Variants in GALK2 observed in about 807,000 individuals in gnomAD.
GALK2 encodes N-acetylgalactosamine kinase.
Under a neutral mutation model 52.4 loss-of-function variants are expected in GALK2, and 36 were observed. The ratio of observed to expected loss-of-function variants is 0.69; its 90% confidence interval spans 0.53 to 0.91. The LOEUF is 0.91. Ranked by LOEUF, GALK2 falls within the 40% of genes least tolerant of loss-of-function variation. GALK2 has a pLI of 0.00. For missense variants in GALK2, 579 were observed against 559.1 expected (o/e 1.04, Z -0.36); for synonymous variants, 176 against 199.1 (o/e 0.88, Z 0.98).
At chr15:49,166,322 A>T (rs1429149643), upstream of GALK2, among the ~76,000 whole-genome samples, 1 of 152,060 alleles carries the variant, frequency 6.6e-6, no homozygotes, top group African/African-American at 2.4e-5. Context: ...CACAATTTTT[A>T]TTTCCTCCAT....
intron 5 of GALK2, among the ~76,000 whole-genome samples, chr15:49,265,268 G>C (rs2092315309): frequency 6.6e-6 from 1 of 152,202 alleles, no homozygotes; most frequent in Admixed American, 6.5e-5. Context: ...AAGGAAGCCT[G>C]GGCAATGGCG....
chr15:49,335,457 T>G (rs1266225863), downstream of GALK2: 1 of 1,613,722 alleles, frequency 6.2e-7, no homozygotes, highest in Non-Finnish European at 8.5e-7. Context: ...ATTGTCTTTT[T>G]GCCTCCTTTA....
rs185410904 is a variant in GALK2 at position 49,326,282 on chromosome 15, A to G, written c.1170-1670A>G. Among the ~76,000 whole-genome samples, 11 of 109,550 alleles carry G rather than the reference A, an allele frequency of 1.0e-4. No homozygotes were observed. In the East Asian group the frequency reaches 3.1e-3, roughly 31 times the overall value. The allele number at this position is 109,550 out of a possible 152,430, so 71.9% of individuals were successfully genotyped here. A position where few individuals can be genotyped will look rare whatever the true frequency, so the allele number is the denominator to read the frequency against. ...TTTTTTTTTTTTTTTTTTTTTTGAG[A>G]TGGAGTCTCACTGTGTCACGCAGGC... On this transcript the variant is annotated intron_variant, in intron 9 of 9. Coordinates refer to ENST00000560031, the MANE Select transcript of GALK2 (RefSeq NM_002044.4).
At chr15:49,221,009 A>G (rs1011404395) in intron 3 of GALK2, among the ~76,000 whole-genome samples, 10 of 152,304 alleles carry the variant, frequency 6.6e-5, no homozygotes, top group Non-Finnish European at 1.3e-4. Context: ...ATAGTTTGCA[A>G]ATATTTTCTC....
intron 1 of GALK2, chr15:49,156,667 C>A: frequency 1.9e-6 from 1 of 516,730 alleles, no homozygotes; most frequent in Non-Finnish European, 3.8e-6. Context: ...GCAAAATTTC[C>A]ACTGTAGAAG....
At chr15:49,223,620 A>T (rs1022454085) in intron 3 of GALK2, among the ~76,000 whole-genome samples, 4 of 152,110 alleles carry the variant, frequency 2.6e-5, no homozygotes, top group Non-Finnish European at 5.9e-5. Context: ...GCTCCCACTT[A>T]TAAGTGAGAA....
intron 5 of GALK2, among the ~76,000 whole-genome samples, chr15:49,255,893 T>C (rs1466598505): frequency 1.3e-5 from 2 of 152,148 alleles, no homozygotes; most frequent in Non-Finnish European, 2.9e-5. Context: ...GGAATTTCAA[T>C]TCATTATTGC....
At chr15:49,206,939 A>G (rs759036598) in intron 2 of GALK2, among the ~76,000 whole-genome samples, 2 of 152,088 alleles carry the variant, frequency 1.3e-5, no homozygotes, top group Non-Finnish European at 2.9e-5. Context: ...AATGCTTTCA[A>G]CTTTACCTCA....
intron 5 of GALK2, among the ~76,000 whole-genome samples, chr15:49,256,942 GAC>G (rs1487761718): frequency 6.6e-6 from 1 of 152,112 alleles, no homozygotes; most frequent in African/African-American, 2.4e-5. Context: ...TCCTGGTGAT[GAC>G]ATAAATAATT....
chr15:49,313,895 G>A (rs2036199105), intron 8 of GALK2, among the ~76,000 whole-genome samples: 1 of 151,962 alleles, frequency 6.6e-6, no homozygotes, highest in Admixed American at 6.5e-5. Context: ...GCTCTTAGCA[G>A]AAGATGAGGT....
chr15:49,259,043 T>C (rs1312852822), intron 5 of GALK2, among the ~76,000 whole-genome samples: 2 of 151,702 alleles, frequency 1.3e-5, no homozygotes, highest in African/African-American at 4.8e-5. Context: ...TTCTGGATAT[T>C]AGCCCTTTGT....
rs757800451 is a variant in GALK2 at position 49,304,178 on chromosome 15, T to C, written c.967+11641T>C. Among the ~76,000 whole-genome samples the C allele has an allele frequency of 4.6e-5, 7 of 152,226 alleles. 1 individual carries two copies. Among genetic ancestry groups the C allele is most frequent in the Non-Finnish European group, 1.0e-4 (7 of 68,038 alleles). ...TCCTATTTTCCTTTTTTGCTACTTATGCTTTCATTTTTACATTTTGTAGGT... is the reference window on the plus strand; with the variant it reads ...TCCTATTTTCCTTTTTTGCTACTTACGCTTTCATTTTTACATTTTGTAGGT... On this transcript the variant is annotated intron_variant, in intron 8 of 9. Transcript: ENST00000560031.
At chr15:49,294,168 TA>T (rs2034235044) in intron 8 of GALK2, among the ~76,000 whole-genome samples, 1 of 150,256 alleles carries the variant, frequency 6.7e-6, no homozygotes, top group East Asian at 1.9e-4. Context: ...AATAAATAAA[TA>T]AATAAATAAA....
intron 3 of GALK2, among the ~76,000 whole-genome samples, chr15:49,346,501 C>T (rs890726479): frequency 2.1e-4 from 32 of 152,178 alleles, no homozygotes; most frequent in African/African-American, 7.7e-4. Flanking sequence ...TGTTCTCCTG[C>T]CTCCTTGCTT....
chr15:49,354,647 C>T (rs2042804962), intron 3 of GALK2, among the ~76,000 whole-genome samples: 1 of 152,110 alleles, frequency 6.6e-6, no homozygotes, highest in Non-Finnish European at 1.5e-5. Context: ...GATCAAACTG[C>T]AAGGTGGGCT....
Position 49,329,548 on chromosome 15 carries a change from A to G in GALK2, c.*1389A>G. ...AGCTAGTTTTATTTCTTAAAGGATA[A>G]CAGTCATACATAGAATACTAGGAAA... On this transcript the variant is annotated 3_prime_UTR_variant, in exon 10 of 10. Transcript: ENST00000560031. The G allele has an allele frequency of 1.0e-6, 1 of 985,160 alleles. No homozygotes were observed. Among genetic ancestry groups the G allele is most frequent in the Non-Finnish European group, 1.2e-6 (1 of 829,692 alleles). The allele number at this position is 985,160 out of a possible 1,614,324, so 61.0% of individuals were successfully genotyped here.
chr15:49,366,338 T>C (rs879093403), intron 3 of GALK2: 31 of 787,106 alleles, frequency 3.9e-5, no homozygotes, highest in East Asian at 7.3e-5. Flanking sequence ...GATACTGTTA[T>C]TGACAACCAA....
chr15:49,270,393 G>T (rs1392903260), intron 5 of GALK2, among the ~76,000 whole-genome samples: 8 of 151,840 alleles, frequency 5.3e-5, no homozygotes, highest in Non-Finnish European at 7.4e-5. Flanking sequence ...TTCCCTGGGG[G>T]TGCTAAATTC....
At chr15:49,320,020 GGTTTGGAGTCA>G (rs537206633) in intron 9 of GALK2, among the ~76,000 whole-genome samples, 12 of 152,106 alleles carry the variant, frequency 7.9e-5, no homozygotes, top group Non-Finnish European at 1.8e-4. Flanking sequence ...TGAGGCTCTG[GGTTTGGAGTCA>G]GTTTGGAGTC....
Sources: gnomAD v4.1 joint callset for allele counts (sites outside exome capture counted in the v4.1 genomes callset) on GRCh38, gnomAD v4.1.1 for gene constraint, MANE v1.5 for transcripts, NCBI Gene and HGNC (gene_info 2026-07-23, HGNC 2026-07-21) for gene names.